The following RRN3 variants were observed in gnomAD, a reference collection of about 807,000 sequenced individuals.
RRN3 encodes RNA polymerase I-specific transcription initiation factor RRN3.
A neutral mutation model predicts 82.3 loss-of-function variants in RRN3; 38 were observed. The observed-to-expected ratio is 0.46, with a 90% CI of 0.36 to 0.61. RRN3 has a LOEUF of 0.61. Ranked by LOEUF, RRN3 falls within the 20% of genes least tolerant of loss-of-function variation. The pLI is 0.00. For missense variants in RRN3, 726 were observed against 793.1 expected (o/e 0.92, Z 1.02); for synonymous variants, 284 against 284.3 (o/e 1.00, Z 0.01).
chr16:15,069,964 T>C, intron 14 of RRN3, 106 bp downstream of exon 14: 2 of 1,454,664 alleles, frequency 1.4e-6, no homozygotes, highest in Non-Finnish European at 1.9e-6. Flanking sequence ...ACATGCAGTT[T>C]TCTGAATCCA....
In RRN3 at chr16:15,070,062, A is replaced by G; in HGVS notation, c.1444+8T>C. 6.7e-7 allele frequency: 1 copy of G among 1,490,306 alleles called. No homozygotes were observed. The highest frequency in any genetic ancestry group is 9.2e-7 in the Non-Finnish European group (1 of 1,082,096). 92.3% of individuals were successfully genotyped at this position (1,490,306 alleles called of 1,614,324 possible). ...GAAAATCCAGTCCAGCACTCCCACAACACTGACCTTCTTTCAGGTTTCCGC... is the reference window on the plus strand; with the variant it reads ...GAAAATCCAGTCCAGCACTCCCACAGCACTGACCTTCTTTCAGGTTTCCGC... On this transcript the variant is annotated splice_region_variant and intron_variant, in intron 14 of 17. Transcript: ENST00000198767.
intron 3 of RRN3, among the ~76,000 whole-genome samples, chr16:15,090,542 T>A (rs879064526): frequency 1.3e-5 from 2 of 152,234 alleles, no homozygotes; most frequent in Non-Finnish European, 2.9e-5. Context: ...AAGGCTGTAG[T>A]GCACTATGAT....
intron 9 of RRN3, 117 bp downstream of exon 9, chr16:15,079,881 G>A (rs1282359792): frequency 3.2e-6 from 4 of 1,231,160 alleles, no homozygotes; most frequent in African/African-American, 1.6e-5. Flanking sequence ...ACAGGCGTGA[G>A]TCACCACGCC....
At chr16:15,085,960 G>C (rs1448413995) in intron 5 of RRN3, among the ~76,000 whole-genome samples, 169 bp downstream of exon 5, 6 of 152,094 alleles carry the variant, frequency 3.9e-5, no homozygotes, top group African/African-American at 1.2e-4. Flanking sequence ...AGCAACAAAT[G>C]AATCTAGACA....
At chr16:15,080,123 A>G in intron 8 of RRN3, 27 bp from the exon 9 acceptor site, 1 of 1,578,678 alleles carries the variant, frequency 6.3e-7, no homozygotes, top group Non-Finnish European at 8.6e-7. Flanking sequence ...AAGATAAAAC[A>G]TTTCAACAGA....
Position 15,070,238 on chromosome 16 carries a change from G to C in RRN3, c.1276C>G (p.Leu426Val). Residue 426 changes from leucine (L) to valine (V), a missense_variant, in exon 14 of 18, where the codon CTA becomes GTA. By Grantham distance (32) the Leu-to-Val change is conservative. Coordinates refer to ENST00000198767, the MANE Select transcript of RRN3 (RefSeq NM_018427.5). ...FIPLITVKSC[L>V]DLLVNWLHIY... ...TGCAGCCAGTTAACCAAAAGATCTA[G>C]GCATGATTTTACAGTACTAGAGAAA... 6.2e-7 allele frequency: 1 copy of C among 1,611,106 alleles called. No homozygotes were observed. Among genetic ancestry groups the C allele is most frequent in the Non-Finnish European group, 8.5e-7 (1 of 1,179,730 alleles).
At chr16:15,091,198 A>G (rs3893781) in intron 3 of RRN3, 117 bp downstream of exon 3, 46 of 1,259,920 alleles carry the variant, frequency 3.7e-5, no homozygotes, top group Non-Finnish European at 4.8e-5. Context: ...CCAGATTAAA[A>G]TAAGGGAGGA....
chr16:15,066,969 C>T (rs1375399447), intron 15 of RRN3, among the ~76,000 whole-genome samples: 1 of 151,836 alleles, frequency 6.6e-6, no homozygotes, highest in Non-Finnish European at 1.5e-5. Flanking sequence ...GTCCCCACCC[C>T]GAGAACATAC....
rs935955427 is a variant in RRN3 at position 15,092,627 on chromosome 16, G to A, written c.90-13C>T. On this transcript the variant is annotated splice_polypyrimidine_tract_variant and intron_variant, in intron 1 of 17. Coordinates refer to ENST00000198767, the MANE Select transcript of RRN3 (RefSeq NM_018427.5). Reference sequence around the variant, plus strand: ...CATATTTGAAATCCTGTGGAACCAAGATTAACAAGCTATTAAGTTCATGAA... The same window carrying A: ...CATATTTGAAATCCTGTGGAACCAAAATTAACAAGCTATTAAGTTCATGAA... 1 of 1,463,864 alleles carries A rather than the reference G, an allele frequency of 6.8e-7. No individual in the cohort carries two copies. Among genetic ancestry groups the A allele is most frequent in the African/African-American group, 1.4e-5 (1 of 71,954 alleles). 90.7% of individuals were successfully genotyped at this position (1,463,864 alleles called of 1,614,324 possible).
intron 13 of RRN3, 75 bp from the exon 14 acceptor site, chr16:15,070,329 C>T: frequency 6.6e-7 from 1 of 1,504,124 alleles, no homozygotes; most frequent in Admixed American, 1.9e-5. Context: ...ACACAACTGC[C>T]TTTCATTACA....
At chr16:15,076,476 G>C in intron 10 of RRN3, 82 bp downstream of exon 10, 2 of 948,372 alleles carry the variant, frequency 2.1e-6, no homozygotes, top group Non-Finnish European at 3.5e-6. Context: ...TCAATCTAAA[G>C]CCTTAACAAA....
chr16:15,061,378 C>A lies in RRN3; in HGVS notation c.*366G>T. ...TAAGACCATGGATCTGACAAAAACC[C>A]ATGTTAAAACAGCAACCCGTAAAAC... On this transcript the variant is annotated 3_prime_UTR_variant, in exon 18 of 18. Transcript: ENST00000198767. 1 of 217,234 alleles carries A rather than the reference C, an allele frequency of 4.6e-6. No homozygotes were observed. Among genetic ancestry groups the A allele is most frequent in the Non-Finnish European group, 9.0e-6 (1 of 111,176 alleles). The allele number at this position is 217,234 out of a possible 1,614,324, so 13.5% of individuals were successfully genotyped here.
At chr16:15,093,002 G>C (rs564872221) in intron 1 of RRN3, among the ~76,000 whole-genome samples, 1 of 151,822 alleles carries the variant, frequency 6.6e-6, no homozygotes, top group Non-Finnish European at 1.5e-5. Flanking sequence ...AAATCTCTAC[G>C]TGGCTGGATT....
At chr16:15,072,070 C>T (rs1197736636) in intron 12 of RRN3, among the ~76,000 whole-genome samples, 1 of 152,156 alleles carries the variant, frequency 6.6e-6, no homozygotes, top group African/African-American at 2.4e-5. Context: ...GACACAGCTT[C>T]TCACCAAAGG....
At chr16:15,087,236 G>C (rs916878872) in intron 3 of RRN3, among the ~76,000 whole-genome samples, 1 of 152,130 alleles carries the variant, frequency 6.6e-6, no homozygotes, top group Non-Finnish European at 1.5e-5. Flanking sequence ...TATTCATATG[G>C]AGTTATCATT....
chr16:15,084,165 T>A (rs1397198749), intron 7 of RRN3, among the ~76,000 whole-genome samples: 2 of 152,208 alleles, frequency 1.3e-5, no homozygotes, highest in African/African-American at 4.8e-5. Context: ...CATTTCCCAC[T>A]ACACATGTAT....
intron 2 of RRN3, among the ~76,000 whole-genome samples, chr16:15,091,812 C>T (rs1320134575): frequency 6.6e-6 from 1 of 152,134 alleles, no homozygotes; most frequent in East Asian, 1.9e-4. Context: ...TAAACTACCA[C>T]AAAAACAAAA....
intron 10 of RRN3, among the ~76,000 whole-genome samples, chr16:15,075,250 C>CAAAAA (rs56913254): frequency 1.5e-5 from 1 of 68,048 alleles, no homozygotes. Context: ...TGTGCCCCAC[C>CAAAAA]AAAAAAAAAA....
intron 9 of RRN3, among the ~76,000 whole-genome samples, chr16:15,078,812 C>CTT (rs5816111): frequency 8.5e-6 from 1 of 117,636 alleles, no homozygotes; most frequent in Non-Finnish European, 1.9e-5. Flanking sequence ...GTATTTTTTT[C>CTT]TTTTTTTTTT....
Sources: allele counts gnomAD v4.1 joint callset (sites outside exome capture counted in the v4.1 genomes callset), GRCh38; gene constraint gnomAD v4.1.1; transcripts MANE v1.5; gene names NCBI Gene and HGNC (gene_info 2026-07-23, HGNC 2026-07-21).